BARX2: variants seen among roughly 807,000 people sequenced by gnomAD.
BARX2 encodes BARX homeobox 2.
A neutral mutation model predicts 25.5 loss-of-function variants in BARX2; 11 were observed. The observed-to-expected ratio is 0.43, with a 90% CI of 0.27 to 0.71. BARX2 has a LOEUF of 0.71. Among genes scored for constraint, BARX2 ranks in the 30% least tolerant of loss-of-function variants. The pLI, the probability that BARX2 is intolerant of heterozygous loss-of-function variation, is 0.19. For synonymous variants in BARX2, 137 were observed against 149.5 expected, an observed-to-expected ratio of 0.92 and a Z score of 0.61; for missense variants, 360 against 359.9, an observed-to-expected ratio of 1.00 and a Z score of 0.00.
At chr11:129,434,153 T>A (rs923261726) in intron 1 of BARX2, among the ~76,000 whole-genome samples, 11 of 151,990 alleles carry the variant, frequency 7.2e-5, no homozygotes, top group Non-Finnish European at 1.5e-4. Flanking sequence ...ATAATACAAA[T>A]GATTTTACAT....
In BARX2 at chr11:129,376,259, A is replaced by G; in HGVS notation, c.187+37A>G. The G allele has an allele frequency of 1.9e-6, 3 of 1,560,424 alleles. No individual in the cohort carries two copies. Among genetic ancestry groups the G allele is most frequent in the Non-Finnish European group, 2.6e-6 (3 of 1,149,428 alleles). On this transcript the variant is annotated intron_variant, in intron 1 of 3. Transcript: ENST00000281437. The surrounding 1 kb of genome is among the most constrained non-coding windows in gnomAD (Gnocchi z 4.2). ...CGCTAGGGGATAAGTGGGGTTCGGTAGCTTTCACGTCCGTGTAGGTGGCCT... is the reference window on the plus strand; with the variant it reads ...CGCTAGGGGATAAGTGGGGTTCGGTGGCTTTCACGTCCGTGTAGGTGGCCT...
At chr11:129,387,200 C>T (rs1202575480) in intron 1 of BARX2, among the ~76,000 whole-genome samples, 2 of 152,190 alleles carry the variant, frequency 1.3e-5, no homozygotes, top group East Asian at 3.9e-4. Context: ...TCCAGTGAAA[C>T]CTTATTCCTC....
intron 1 of BARX2, among the ~76,000 whole-genome samples, chr11:129,412,422 C>T (rs1861899634): frequency 6.6e-6 from 1 of 152,122 alleles, no homozygotes; most frequent in South Asian, 2.1e-4. Flanking sequence ...CTCGGCTTTG[C>T]CTAGGAAAGA....
upstream of BARX2, among the ~76,000 whole-genome samples, chr11:129,375,699 G>T (rs1234366734): frequency 3.9e-5 from 6 of 152,064 alleles, no homozygotes; most frequent in Admixed American, 3.9e-4. The surrounding 1 kb of genome is among the most constrained non-coding windows in gnomAD (Gnocchi z 4.0). Flanking sequence ...GGCACTAGGC[G>T]CGCAGGTCGG....
intron 1 of BARX2, among the ~76,000 whole-genome samples, chr11:129,394,931 C>G (rs1482165247): frequency 1.4e-5 from 1 of 71,168 alleles, no homozygotes; most frequent in Non-Finnish European, 2.5e-5. Context: ...ATAGTCCACT[C>G]AGCATTTTTT....
chr11:129,409,348 CA>C (rs1187033756), intron 1 of BARX2, among the ~76,000 whole-genome samples: 3 of 152,134 alleles, frequency 2.0e-5, no homozygotes, highest in Non-Finnish European at 4.4e-5. Flanking sequence ...GTGAATTCTT[CA>C]GTGTGTTTTT....
chr11:129,421,054 T>C (rs1057317162), intron 1 of BARX2, among the ~76,000 whole-genome samples: 2 of 152,170 alleles, frequency 1.3e-5, no homozygotes, highest in African/African-American at 4.8e-5. Flanking sequence ...TCAACCTTCA[T>C]AGACAGGATT....
intron 1 of BARX2, among the ~76,000 whole-genome samples, chr11:129,397,877 A>G (rs909606333): frequency 6.6e-6 from 1 of 152,264 alleles, no homozygotes; most frequent in Non-Finnish European, 1.5e-5. Flanking sequence ...ATGATCTAGC[A>G]GAGGCAGAAC....
At chr11:129,388,785 A>T (rs1180935086) in intron 1 of BARX2, among the ~76,000 whole-genome samples, 1 of 152,186 alleles carries the variant, frequency 6.6e-6, no homozygotes, top group Admixed American at 6.5e-5. Flanking sequence ...CAGCTTAAAT[A>T]TGAGATTGAT....
intron 3 of BARX2, among the ~76,000 whole-genome samples, chr11:129,447,846 T>G (rs1862349570): frequency 6.6e-6 from 1 of 152,232 alleles, no homozygotes; most frequent in Non-Finnish European, 1.5e-5. Flanking sequence ...GTATAACCTC[T>G]TTCATACTGA....
At chr11:129,437,130 C>A in intron 2 of BARX2, 79 bp downstream of exon 2, 2 of 1,392,426 alleles carry the variant, frequency 1.4e-6, no homozygotes, top group Non-Finnish European at 1.9e-6. Flanking sequence ...GGCCGTGGAG[C>A]CACAGCACTG....
rs1861502326 is a variant in BARX2, at chr11:129,376,220, C to T, written c.185C>T (p.Thr62Met). The change falls in exon 1 of 4, where the codon ACG becomes ATG. Residue 62 changes from threonine (T) to methionine (M), a missense_variant and splice_region_variant. Physicochemically the swap from Thr to Met is moderately conservative, Grantham distance 81. This residue lies in a region of BARX2 where 240 missense variants were observed against 228.7 expected (regional missense o/e 1.05). Coordinates refer to ENST00000281437, the MANE Select transcript of BARX2 (RefSeq NM_003658.5). The surrounding 1 kb of genome is among the most constrained non-coding windows in gnomAD (Gnocchi z 4.2). ...VVRPKPLHSC[T>M]GSPSLRAYPL... ...CGACCCAAGCCCCTGCATTCCTGTA[C>T]GGGTAAGACGCTCCGCTAGGGGATA... The T allele has an allele frequency of 1.9e-6, 3 of 1,598,698 alleles. No individual in the cohort carries two copies. The highest frequency in any genetic ancestry group is 2.3e-5 in the East Asian group (1 of 42,802).
At chr11:129,396,057 G>A (rs1172170012) in intron 1 of BARX2, among the ~76,000 whole-genome samples, 1 of 152,132 alleles carries the variant, frequency 6.6e-6, no homozygotes, top group Admixed American at 6.5e-5. Flanking sequence ...CCATCCGTCA[G>A]CTGCCCTCTC....
rs1861508266 is a variant in BARX2, at chr11:129,376,697, G to A, written c.187+475G>A. Among the ~76,000 whole-genome samples, 2 of 152,282 alleles carry A rather than the reference G, an allele frequency of 1.3e-5. No individual in the cohort carries two copies. The highest frequency in any genetic ancestry group is 4.8e-5 in the African/African-American group (2 of 41,544). Reference sequence around the variant, plus strand: ...ATCCTGAGGTTCTCAACAAAATCTCGAATTCACTGAGCTTTGCTTACAATG... The same window carrying A: ...ATCCTGAGGTTCTCAACAAAATCTCAAATTCACTGAGCTTTGCTTACAATG... On this transcript the variant is annotated intron_variant, in intron 1 of 3. Transcript: ENST00000281437. The surrounding 1 kb of genome is among the most constrained non-coding windows in gnomAD (Gnocchi z 4.2).
At chr11:129,420,255 CA>C (rs1861989876) in intron 1 of BARX2, among the ~76,000 whole-genome samples, 3 of 152,134 alleles carry the variant, frequency 2.0e-5, no homozygotes, top group Non-Finnish European at 4.4e-5. Flanking sequence ...TAATACATCA[CA>C]TCATTAGCTG....
At chr11:129,375,817 TC>T (rs1486140358), upstream of BARX2, 1 of 154,116 alleles carries the variant, frequency 6.5e-6, no homozygotes, top group East Asian at 1.9e-4. The surrounding 1 kb of genome is among the most constrained non-coding windows in gnomAD (Gnocchi z 4.0). Flanking sequence ...AGCTGCGTTG[TC>T]CCAAAAAGGC....
chr11:129,426,380 GT>G (rs147560257), intron 1 of BARX2, among the ~76,000 whole-genome samples: 1 of 146,308 alleles, frequency 6.8e-6, no homozygotes, highest in South Asian at 2.2e-4. Context: ...GTTTTTTTTT[GT>G]TTTTTTTTTG....
chr11:129,431,406 T>C (rs1862128103), intron 1 of BARX2, among the ~76,000 whole-genome samples: 1 of 152,232 alleles, frequency 6.6e-6, no homozygotes, highest in Non-Finnish European at 1.5e-5. Flanking sequence ...GTTTGCATTC[T>C]CGCCAGCAAT....
intron 1 of BARX2, among the ~76,000 whole-genome samples, chr11:129,411,371 C>CAA (rs34667411): frequency 0.061 from 3,278 of 53,684 alleles, 155 homozygotes; most frequent in East Asian, 0.2. Context: ...ACTCCATCTC[C>CAA]AAAAAAAAAA....
Sources: gnomAD v4.1 joint callset for allele counts (sites outside exome capture counted in the v4.1 genomes callset) on GRCh38, gnomAD v4.1.1 for gene constraint, gnomAD v4.1.1 regional missense constraint, Gnocchi (gnomAD v3.1) non-coding constraint, MANE v1.5 for transcripts, NCBI Gene and HGNC (gene_info 2026-07-23, HGNC 2026-07-21) for gene names.